The following STPG2 variants were observed in gnomAD, a reference collection of about 807,000 sequenced individuals.
The protein encoded by STPG2 is sperm tail PG-rich repeat containing 2, also known as sperm-tail PG-rich repeat-containing protein 2.
Under a neutral mutation model 54.2 loss-of-function variants are expected in STPG2, and 56 were observed. The observed-to-expected ratio is 1.03, with a 90% CI of 0.83 to 1.29. The LOEUF (loss-of-function observed/expected upper bound fraction) is 1.29, where lower values mean the gene tolerates loss of function less well. Among genes scored for constraint, STPG2 ranks in the 50% most tolerant of loss-of-function variants. The pLI, the probability that STPG2 is intolerant of heterozygous loss-of-function variation, is 0.00. For synonymous variants in STPG2, 200 were observed against 181.8 expected (o/e 1.10, Z -0.81); for missense variants, 596 against 544.9 (o/e 1.09, Z -0.93).
chr4:97,493,146 T>C (rs1354181463), intron 4 of STPG2, among the ~76,000 whole-genome samples: 2 of 150,594 alleles, frequency 1.3e-5, no homozygotes, highest in African/African-American at 2.4e-5. Flanking sequence ...TTAGTCTGTA[T>C]AGAAAGAGTA....
At chr4:97,682,173 G>C (rs1295031110) in intron 10 of STPG2, among the ~76,000 whole-genome samples, 4 of 151,316 alleles carry the variant, frequency 2.6e-5, no homozygotes, top group African/African-American at 9.7e-5. Context: ...CTCTCTACTA[G>C]GCATACAAAA....
chr4:98,086,710 A>G (rs1486740314), intron 5 of STPG2, among the ~76,000 whole-genome samples: 1 of 148,560 alleles, frequency 6.7e-6, no homozygotes, highest in African/African-American at 2.5e-5. Flanking sequence ...AAATCTAAGC[A>G]GTTTCCAGTC....
intron 8 of STPG2, among the ~76,000 whole-genome samples, chr4:97,884,904 C>CA (rs1386901033): frequency 6.0e-5 from 9 of 150,864 alleles, no homozygotes; most frequent in African/African-American, 7.3e-5. Context: ...TCATAATGAC[C>CA]AAAAAAAACC....
At chr4:98,140,210 T>C (rs557268843) in intron 1 of STPG2, among the ~76,000 whole-genome samples, 15 of 152,220 alleles carry the variant, frequency 9.9e-5, no homozygotes, top group African/African-American at 3.1e-4. Context: ...AGCATGAACT[T>C]AGGAAAACTG....
intron 5 of STPG2, among the ~76,000 whole-genome samples, chr4:98,017,712 C>A (rs959218142): frequency 1.3e-5 from 2 of 152,172 alleles, no homozygotes; most frequent in South Asian, 2.1e-4. Context: ...TCTGTCCCTA[C>A]CCAAATCTCA....
At chr4:97,627,580 A>T (rs1302395939) in intron 10 of STPG2, among the ~76,000 whole-genome samples, 1 of 152,120 alleles carries the variant, frequency 6.6e-6, no homozygotes, top group African/African-American at 2.4e-5. Context: ...TAGTTTTCCT[A>T]TACATACATA....
intron 4 of STPG2, among the ~76,000 whole-genome samples, chr4:97,518,235 G>A (rs1319981935): frequency 6.6e-6 from 1 of 152,032 alleles, no homozygotes; most frequent in Non-Finnish European, 1.5e-5. Context: ...GTGACAAAGA[G>A]TATGTAAATA....
At chr4:97,535,250 A>G (rs1428779129) in intron 4 of STPG2, among the ~76,000 whole-genome samples, 2 of 152,182 alleles carry the variant, frequency 1.3e-5, no homozygotes, top group African/African-American at 2.4e-5. Context: ...CCCACTAAAA[A>G]TTTATGAATA....
At chr4:97,826,364 G>A (rs1728258785) in intron 9 of STPG2, among the ~76,000 whole-genome samples, 1 of 149,542 alleles carries the variant, frequency 6.7e-6, no homozygotes, top group Non-Finnish European at 1.5e-5. Flanking sequence ...ATATATAAAG[G>A]TTTGAACAAG....
chr4:97,559,146 G>A (rs1385769785), intron 10 of STPG2, 29 bp from the exon 11 acceptor site: 7 of 1,405,508 alleles, frequency 5.0e-6, no homozygotes, highest in East Asian at 2.4e-5. Context: ...AAAAAAAGGA[G>A]GAAAACATCT....
intron 5 of STPG2, among the ~76,000 whole-genome samples, chr4:98,080,263 T>A (rs1738302218): frequency 6.6e-6 from 1 of 152,164 alleles, no homozygotes; most frequent in Non-Finnish European, 1.5e-5. Flanking sequence ...TTACTTTATT[T>A]ACCTTTTTTT....
At chr4:97,717,276 G>T (rs970492241) in intron 9 of STPG2, among the ~76,000 whole-genome samples, 1 of 152,108 alleles carries the variant, frequency 6.6e-6, no homozygotes, top group Non-Finnish European at 1.5e-5. Flanking sequence ...AACCAAAAGG[G>T]TATTTCATAT....
chr4:97,574,772 G>A (rs1732682972), intron 10 of STPG2, among the ~76,000 whole-genome samples: 1 of 151,926 alleles, frequency 6.6e-6, no homozygotes, highest in South Asian at 2.1e-4. Flanking sequence ...TTTCTTTCGG[G>A]TTAAATGATT....
intron 8 of STPG2, among the ~76,000 whole-genome samples, chr4:97,921,521 G>A (rs570362889): frequency 3.3e-5 from 5 of 151,610 alleles, no homozygotes; most frequent in Non-Finnish European, 7.4e-5. Flanking sequence ...ATTCCACAGA[G>A]AGCTCCAATA....
chr4:97,872,507 C>T (rs1324555991), intron 8 of STPG2, among the ~76,000 whole-genome samples: 1 of 150,964 alleles, frequency 6.6e-6, no homozygotes, highest in Non-Finnish European at 1.5e-5. Flanking sequence ...AAGTAGAAAA[C>T]CCCTATGTAT....
rs113932371 is a variant in STPG2 at position 97,567,211 on chromosome 4, T to C, written c.1321-8094A>G. 2.4e-4 allele frequency among the ~76,000 whole-genome samples: 35 copies of C among 145,202 alleles called. No homozygotes were observed. In the East Asian group the frequency reaches 3.4e-3, roughly 14 times the overall value. On this transcript the variant is annotated intron_variant, in intron 10 of 10. Transcript: ENST00000295268. Reference sequence around the variant, plus strand: ...TGTAACACACACACACACACACACATACACACACACACACCCTTTAAATTA... The same window carrying C: ...TGTAACACACACACACACACACACACACACACACACACACCCTTTAAATTA...
At chr4:97,597,654 G>T (rs1049349086) in intron 10 of STPG2, among the ~76,000 whole-genome samples, 4 of 152,032 alleles carry the variant, frequency 2.6e-5, no homozygotes, top group Middle Eastern at 3.2e-3. Flanking sequence ...CTCACTAGAT[G>T]CAGAAAAGGC....
At chr4:97,467,392 G>T (rs942525942) in intron 4 of STPG2, among the ~76,000 whole-genome samples, 2 of 150,058 alleles carry the variant, frequency 1.3e-5, no homozygotes, top group Middle Eastern at 6.9e-3. Flanking sequence ...TATTCATATA[G>T]AAAAAAAAAT....
chr4:97,608,675 G>T (rs1733654567), intron 10 of STPG2, among the ~76,000 whole-genome samples: 1 of 151,994 alleles, frequency 6.6e-6, no homozygotes, highest in Non-Finnish European at 1.5e-5. Flanking sequence ...AAATTAAGCA[G>T]GAGAGATATA....
Sources: gnomAD v4.1 joint callset for allele counts (sites outside exome capture counted in the v4.1 genomes callset) on GRCh38, gnomAD v4.1.1 for gene constraint, MANE v1.5 for transcripts, NCBI Gene and HGNC (gene_info 2026-07-23, HGNC 2026-07-21) for gene names.